ZDHHC21: variants seen among roughly 807,000 people sequenced by gnomAD.
The protein encoded by ZDHHC21 is zDHHC palmitoyltransferase 21.
In ZDHHC21, 15 loss-of-function variants were observed where a neutral mutation model predicts 34.6. That is an observed-to-expected ratio of 0.43 (90% CI 0.29 to 0.67). The LOEUF is 0.67. Ranked by LOEUF, ZDHHC21 falls within the 30% of genes least tolerant of loss-of-function variation. The pLI, the probability that ZDHHC21 is intolerant of heterozygous loss-of-function variation, is 0.14. For missense variants in ZDHHC21, 344 were observed against 327.7 expected (o/e 1.05, Z -0.38); for synonymous variants, 142 against 101.8 (o/e 1.40, Z -2.38).
intron 8 of ZDHHC21, among the ~76,000 whole-genome samples, chr9:14,626,257 C>A (rs980914027): frequency 6.6e-6 from 1 of 151,794 alleles, no homozygotes; most frequent in Non-Finnish European, 1.5e-5. Context: ...ATACCATAAG[C>A]AAACCATAAA....
the ZDHHC21 span, among the ~76,000 whole-genome samples, chr9:14,600,813 A>G: frequency 1.3e-5 from 2 of 152,216 alleles, no homozygotes; most frequent in African/African-American, 4.8e-5. Context: ...ATATAGACCA[A>G]TGGAACAGAA....
chr9:14,663,665 G>C (rs1564339775), intron 5 of ZDHHC21, among the ~76,000 whole-genome samples: 1 of 151,720 alleles, frequency 6.6e-6, no homozygotes, highest in African/African-American at 2.4e-5. Flanking sequence ...TCCCACTACA[G>C]ACATCTCTGA....
At chr9:14,599,419 A>G in the ZDHHC21 span, among the ~76,000 whole-genome samples, 1 of 152,176 alleles carries the variant, frequency 6.6e-6, no homozygotes, top group African/African-American at 2.4e-5. Flanking sequence ...TCCAGCCCAG[A>G]CATTACACTT....
At chr9:14,590,792 GATC>G in the ZDHHC21 span, among the ~76,000 whole-genome samples, 1 of 152,062 alleles carries the variant, frequency 6.6e-6, no homozygotes, top group African/African-American at 2.4e-5. Context: ...TGAAAACTAG[GATC>G]TACAAAAGGA....
intron 7 of ZDHHC21, among the ~76,000 whole-genome samples, chr9:14,645,508 GGAGAAT>G (rs1045690769): frequency 6.6e-6 from 1 of 151,942 alleles, no homozygotes; most frequent in African/African-American, 2.4e-5. Context: ...TGATAATAAA[GGAGAAT>G]TACATTGGTT....
the ZDHHC21 span, among the ~76,000 whole-genome samples, chr9:14,592,108 T>C: frequency 1.3e-5 from 2 of 152,062 alleles, no homozygotes; most frequent in East Asian, 1.9e-4. Flanking sequence ...GTGTCTTATA[T>C]ATTTTTTTCT....
At chr9:14,641,534 A>G (rs1212649157) in intron 7 of ZDHHC21, among the ~76,000 whole-genome samples, 1 of 152,190 alleles carries the variant, frequency 6.6e-6, no homozygotes, top group Non-Finnish European at 1.5e-5. Flanking sequence ...GATGAACACA[A>G]AAAATTGTAC....
Position 14,693,254 on chromosome 9 carries a change from G to A in ZDHHC21, c.-250C>T, listed in dbSNP as rs1233306672. 3 of 413,222 alleles carry A rather than the reference G, an allele frequency of 7.3e-6. No individual in the cohort carries two copies. Among genetic ancestry groups the A allele is most frequent in the Non-Finnish European group, 1.4e-5 (3 of 209,744 alleles). 25.6% of individuals were successfully genotyped at this position (413,222 alleles called of 1,614,324 possible). On this transcript the variant is annotated 5_prime_UTR_variant, in exon 1 of 10. Transcript: ENST00000380916. ...CGTCGCCGCTGGCTCGCCTCTCGCTGCCGCCGCTCTCCCGACCGCCAGCAG... is the reference window on the plus strand; with the variant it reads ...CGTCGCCGCTGGCTCGCCTCTCGCTACCGCCGCTCTCCCGACCGCCAGCAG...
chr9:14,658,941 T>A, intron 6 of ZDHHC21, 54 bp from the exon 7 acceptor site: 3 of 1,549,566 alleles, frequency 1.9e-6, no homozygotes, highest in South Asian at 1.2e-5. Context: ...GAAGTTCACC[T>A]CAGGATCAAT....
At chr9:14,680,957 G>C (rs1837271616) in intron 2 of ZDHHC21, among the ~76,000 whole-genome samples, 1 of 152,176 alleles carries the variant, frequency 6.6e-6, no homozygotes. Flanking sequence ...CTGTGAGGTA[G>C]CTAGATGAAG....
At position 14,612,023 on chromosome 9, in the gene ZDHHC21, A is replaced by C. The variant is rs914810132; in HGVS notation, c.*6943T>G. The C allele has an allele frequency of 3.3e-5, 5 of 152,046 alleles. No individual in the cohort carries two copies. Among genetic ancestry groups the C allele is most frequent in the African/African-American group, 9.7e-5 (4 of 41,430 alleles). 9.4% of individuals were successfully genotyped at this position (152,046 alleles called of 1,614,324 possible). A position where few individuals can be genotyped will look rare whatever the true frequency, so the allele number is the denominator to read the frequency against. On this transcript the variant is annotated 3_prime_UTR_variant, in exon 10 of 10. Coordinates refer to ENST00000380916, the MANE Select transcript of ZDHHC21 (RefSeq NM_178566.6). ...CATTTAAATCACGCATAAACAAGCC[A>C]AATTACTCAGAATCAATACAGTGGC...
Position 14,662,417 on chromosome 9 carries a change from CT to C in ZDHHC21, c.254-92del, listed in dbSNP as rs1441757231. ...TTGTTTAGAAGATTTTATAGGAAGCCTTCAACATAAAACTCTAAGAGATTTT... is the reference window on the plus strand; with the variant it reads ...TTGTTTAGAAGATTTTATAGGAAGCCTCAACATAAAACTCTAAGAGATTTT... On this transcript the variant is annotated intron_variant, in intron 5 of 9. Coordinates refer to ENST00000380916, the MANE Select transcript of ZDHHC21 (RefSeq NM_178566.6). The C allele has an allele frequency of 1.2e-5, 11 of 909,844 alleles. No homozygotes were observed. In the African/African-American group the frequency reaches 1.7e-4, roughly 14 times the overall value. 56.4% of individuals were successfully genotyped at this position (909,844 alleles called of 1,614,324 possible).
At chr9:14,679,870 A>C (rs1837071917) in intron 3 of ZDHHC21, among the ~76,000 whole-genome samples, 163 bp downstream of exon 3, 1 of 152,158 alleles carries the variant, frequency 6.6e-6, no homozygotes, top group Non-Finnish European at 1.5e-5. Flanking sequence ...GTCTTATTTA[A>C]GAAAACAGGT....
chr9:14,648,121 C>T lies in ZDHHC21; in HGVS notation c.505-8109G>A, dbSNP rs117824834. ...TGGGCGGTGAAGCCCTGGAAATATC[C>T]TTGACGTTTCGCATTCTATCTCACA... On this transcript the variant is annotated intron_variant, in intron 7 of 9. Transcript: ENST00000380916. Among the ~76,000 whole-genome samples the T allele has an allele frequency of 8.9e-3, 1,354 of 152,206 alleles. 6 individuals are homozygous for T. The highest frequency in any genetic ancestry group is 0.015 in the Non-Finnish European group (1,023 of 67,996).
At chr9:14,603,214 CT>C in the ZDHHC21 span, among the ~76,000 whole-genome samples, 2 of 151,986 alleles carry the variant, frequency 1.3e-5, no homozygotes, top group South Asian at 4.2e-4. Context: ...ATAAAGTGAA[CT>C]TTAAAAATGG....
At chr9:14,662,483 C>T (rs1055563091) in intron 5 of ZDHHC21, among the ~76,000 whole-genome samples, 157 bp from the exon 6 acceptor site, 8 of 152,130 alleles carry the variant, frequency 5.3e-5, no homozygotes, top group African/African-American at 1.9e-4. Context: ...GCCATAAATG[C>T]TGCTGTTCTA....
At chr9:14,609,512 A>G (rs535499624), downstream of ZDHHC21, among the ~76,000 whole-genome samples, 2 of 152,284 alleles carry the variant, frequency 1.3e-5, no homozygotes, top group South Asian at 2.1e-4. Context: ...AAGCTTTCAC[A>G]TGAAAATTAG....
chr9:14,666,110 C>T (rs886359362), intron 5 of ZDHHC21, among the ~76,000 whole-genome samples: 4,685 of 145,630 alleles, frequency 0.032, 229 homozygotes, highest in African/African-American at 0.11. Flanking sequence ...ACCCATCTCA[C>T]GTGCAGAGAC....
At chr9:14,686,742 G>A (rs1043653328) in intron 2 of ZDHHC21, among the ~76,000 whole-genome samples, 2 of 151,842 alleles carry the variant, frequency 1.3e-5, no homozygotes, top group Non-Finnish European at 2.9e-5. Context: ...GGAGGCCGAG[G>A]TGGGAGGATC....
Sources: gnomAD v4.1 joint callset for allele counts (sites outside exome capture counted in the v4.1 genomes callset) on GRCh38, gnomAD v4.1.1 for gene constraint, MANE v1.5 for transcripts, NCBI Gene and HGNC (gene_info 2026-07-23, HGNC 2026-07-21) for gene names.